KLHL29: variants seen among roughly 807,000 people sequenced by gnomAD.
The protein encoded by KLHL29 is kelch like family member 29.
KLHL29 carries 21 observed loss-of-function variants against 80.4 expected under a neutral mutation model. That is an observed-to-expected ratio of 0.26 (90% CI 0.19 to 0.38). The LOEUF (loss-of-function observed/expected upper bound fraction) is 0.38. Ranked by LOEUF, KLHL29 falls within the 10% of genes least tolerant of loss-of-function variation. KLHL29 has a pLI of 1.00. For synonymous variants in KLHL29, 511 were observed against 526.8 expected (o/e 0.97, Z 0.41); for missense variants, 867 against 1,223.9 (o/e 0.71, Z 4.35).
At chr2:23,418,030 C>T (rs952513955) in intron 1 of KLHL29, among the ~76,000 whole-genome samples, 4 of 152,200 alleles carry the variant, frequency 2.6e-5, no homozygotes, top group Admixed American at 6.5e-5. Context: ...CAGGGTCTGT[C>T]TTGCTCATTT....
At chr2:23,502,570 C>T (rs141760657) in intron 2 of KLHL29, among the ~76,000 whole-genome samples, 146 of 152,380 alleles carry the variant, frequency 9.6e-4, no homozygotes, top group African/African-American at 3.3e-3. Flanking sequence ...TCCTCTGACC[C>T]GCATGAAATA....
chr2:23,491,880 C>T (rs556243488), intron 2 of KLHL29, among the ~76,000 whole-genome samples: 1 of 152,314 alleles, frequency 6.6e-6, no homozygotes, highest in Non-Finnish European at 1.5e-5. Flanking sequence ...AGTTAGAAAC[C>T]TGAGAGTGCA....
intron 1 of KLHL29, among the ~76,000 whole-genome samples, chr2:23,448,212 A>C (rs1421257421): frequency 6.6e-6 from 1 of 152,146 alleles, no homozygotes; most frequent in Non-Finnish European, 1.5e-5. Context: ...CCCAGTCCCC[A>C]GAGTTTGTCA....
intron 2 of KLHL29, among the ~76,000 whole-genome samples, chr2:23,551,902 T>C (rs1406439980): frequency 6.6e-6 from 1 of 152,194 alleles, no homozygotes; most frequent in Non-Finnish European, 1.5e-5. Flanking sequence ...ACATTTTGAG[T>C]AGGGAGGAGA....
At chr2:23,609,523 G>GC (rs1000559191) in intron 3 of KLHL29, among the ~76,000 whole-genome samples, 2 of 152,064 alleles carry the variant, frequency 1.3e-5, no homozygotes, top group Non-Finnish European at 2.9e-5. Flanking sequence ...TTCAGAATGC[G>GC]CCCCCCTCGG....
intron 1 of KLHL29, among the ~76,000 whole-genome samples, chr2:23,442,264 T>A (rs190002166): frequency 2.1e-4 from 32 of 152,230 alleles, no homozygotes; most frequent in Middle Eastern, 3.4e-3. Context: ...CTAATTTTTT[T>A]AAATTTTTTG....
intron 11 of KLHL29, among the ~76,000 whole-genome samples, chr2:23,698,205 G>A (rs938061054): frequency 1.1e-4 from 16 of 152,268 alleles, no homozygotes; most frequent in African/African-American, 2.6e-4. Context: ...AGACCACCCC[G>A]GGAACCCCAA....
intron 2 of KLHL29, 52 bp downstream of exon 2, chr2:23,475,719 A>T (rs1558351873): frequency 6.0e-6 from 1 of 166,762 alleles, no homozygotes. Context: ...AGACCTGAGC[A>T]TAGCCAGCTC....
rs568305690 is a variant in KLHL29 at position 23,415,106 on chromosome 2, A to G, written c.-154+29326A>G. Among the ~76,000 whole-genome samples, 3 of 152,076 alleles carry G rather than the reference A, an allele frequency of 2.0e-5. No homozygotes were observed. In the South Asian group the frequency reaches 6.2e-4, roughly 32 times the overall value. ...CAGAACAGCACCACCAAGCTTCCAA[A>G]AGTGGGTGCTGCAAATGCTGCAGTT... On this transcript the variant is annotated intron_variant, in intron 1 of 13. Transcript: ENST00000486442.
chr2:23,557,916 C>A (rs961172077), intron 2 of KLHL29, among the ~76,000 whole-genome samples: 42 of 152,268 alleles, frequency 2.8e-4, no homozygotes, highest in African/African-American at 9.9e-4. Context: ...CTTATCACAA[C>A]AAAGATTCAC....
chr2:23,386,184 G>A (rs1190276705), intron 1 of KLHL29, among the ~76,000 whole-genome samples: 1 of 152,060 alleles, frequency 6.6e-6, no homozygotes, highest in South Asian at 2.1e-4. Flanking sequence ...GGCCCCGGCC[G>A]GGCAGGAGAC....
At chr2:23,447,064 A>G (rs1432740177) in intron 1 of KLHL29, among the ~76,000 whole-genome samples, 2 of 152,220 alleles carry the variant, frequency 1.3e-5, no homozygotes, top group South Asian at 2.1e-4. Flanking sequence ...AGGATTTTCA[A>G]GCTGATACAG....
chr2:23,692,410 AC>A (rs2149205780), intron 7 of KLHL29, among the ~76,000 whole-genome samples: 1 of 152,370 alleles, frequency 6.6e-6, no homozygotes, highest in East Asian at 1.9e-4. Context: ...TGCTGCCTTT[AC>A]GCTTGATGCT....
rs987740761 is a variant in KLHL29 at position 23,562,216 on chromosome 2, G to A, written c.20G>A (p.Arg7His). Residue 7 changes from arginine (R) to histidine (H), a missense_variant, in exon 3 of 14, where the codon CGC becomes CAC. By Grantham distance (29) the Arg-to-His change is conservative (BLOSUM62 0). Transcript: ENST00000486442. This position sits in a 1 kb window ranked among gnomAD's most constrained non-coding sequence, Gnocchi z 4.5. The part of the protein sequence containing the change: MSRHHS[R>H]FERDYRVGWD... ...ACCGAGATGTCCCGGCACCATAGCC[G>A]CTTCGAAAGAGATTACCGGGTGGGC... is the stretch of plus-strand genomic sequence containing the variant. 15 of 1,550,538 alleles carry A rather than the reference G, an allele frequency of 9.7e-6. No homozygotes were observed. Among genetic ancestry groups the A allele is most frequent in the Non-Finnish European group, 1.3e-5 (15 of 1,146,954 alleles).
intron 5 of KLHL29, 135 bp downstream of exon 5, chr2:23,642,985 G>A (rs749168431): frequency 9.5e-7 from 1 of 1,047,506 alleles, no homozygotes; most frequent in South Asian, 1.4e-5. Flanking sequence ...GGCTGCAGTG[G>A]AGCCTCCACC....
chr2:23,441,056 A>G (rs1447314481), intron 1 of KLHL29, among the ~76,000 whole-genome samples: 3 of 152,188 alleles, frequency 2.0e-5, no homozygotes, highest in Non-Finnish European at 4.4e-5. Flanking sequence ...ACTATTCACA[A>G]TAGCAAAGAC....
At chr2:23,514,758 C>T (rs1477779910) in intron 2 of KLHL29, among the ~76,000 whole-genome samples, 4 of 152,164 alleles carry the variant, frequency 2.6e-5, no homozygotes, top group South Asian at 2.1e-4. Flanking sequence ...CCTCTGGACT[C>T]GAAGAAGAGG....
At chr2:23,483,357 A>C (rs1478315889) in intron 2 of KLHL29, among the ~76,000 whole-genome samples, 2 of 152,364 alleles carry the variant, frequency 1.3e-5, no homozygotes, top group African/African-American at 4.8e-5. Context: ...ATATAAAAAG[A>C]CCAAAGATAT....
chr2:23,562,044 T>C lies in KLHL29; in HGVS notation c.-45-108T>C. ...CTAGCGTGACTCTGAAATGAGCTAA[T>C]GTTTGAAGGCCTGTTATTGAACCCA... On this transcript the variant is annotated intron_variant, in intron 2 of 13. Transcript: ENST00000486442. This position sits in a 1 kb window ranked among gnomAD's most constrained non-coding sequence, Gnocchi z 4.5. The C allele has an allele frequency of 2.6e-6, 2 of 755,418 alleles. No individual in the cohort carries two copies. Among genetic ancestry groups the C allele is most frequent in the Admixed American group, 2.7e-5 (1 of 37,550 alleles). The allele number at this position is 755,418 out of a possible 1,614,324, so 46.8% of individuals were successfully genotyped here. A position where few individuals can be genotyped will look rare whatever the true frequency, so the allele number is the denominator to read the frequency against.
Sources: gnomAD v4.1 joint callset for allele counts (sites outside exome capture counted in the v4.1 genomes callset) on GRCh38, gnomAD v4.1.1 for gene constraint, Gnocchi (gnomAD v3.1) non-coding constraint, MANE v1.5 for transcripts, NCBI Gene and HGNC (gene_info 2026-07-23, HGNC 2026-07-21) for gene names.